The following SLC11A2 variants were observed in gnomAD, a reference collection of about 807,000 sequenced individuals.
SLC11A2 encodes solute carrier family 11 member 2, also known as natural resistance-associated macrophage protein 2.
In SLC11A2, 38 loss-of-function variants were observed where a neutral mutation model predicts 68.0. The ratio of observed to expected loss-of-function variants is 0.56; its 90% CI spans 0.43 to 0.73. The LOEUF is 0.73. Ranked by LOEUF, SLC11A2 falls within the 30% of genes least tolerant of loss-of-function variation. The pLI is 0.00. For missense variants in SLC11A2, 517 were observed against 690.5 expected, an observed-to-expected ratio of 0.75 and a Z score of 2.82; for synonymous variants, 242 against 250.6, an observed-to-expected ratio of 0.97 and a Z score of 0.32.
Position 51,008,581 on chromosome 12 carries a change from G to A in SLC11A2, c.78C>T (p.Asn26=), listed in dbSNP as rs1308791966. Residue 26 remains asparagine (N), a synonymous_variant, in exon 3 of 16, where the codon AAC becomes AAT. Transcript: ENST00000262052. ...AGGGATTACTATAGGCAGGGTTGAT[G>A]TTACCAAGACTGGCAGACTCCCCAT... ...GDHGESASLG[N]INPAYSNPSL... The A allele has an allele frequency of 6.2e-7, 1 of 1,612,742 alleles. No individual in the cohort carries two copies. Among genetic ancestry groups the A allele is most frequent in the South Asian group, 1.1e-5 (1 of 91,054 alleles).
intron 3 of SLC11A2, among the ~76,000 whole-genome samples, chr12:51,007,194 C>T (rs936616326): frequency 9.9e-5 from 15 of 152,254 alleles, no homozygotes; most frequent in East Asian, 1.9e-4. Flanking sequence ...CTTCTGACCC[C>T]TAAAACGTAT....
At chr12:51,010,458 C>A (rs1328384556) in intron 2 of SLC11A2, among the ~76,000 whole-genome samples, 2 of 147,352 alleles carry the variant, frequency 1.4e-5, no homozygotes, top group Non-Finnish European at 3.0e-5. Context: ...GCGGAGGTTG[C>A]AGTGAGCCGA....
chr12:51,025,908 G>A (rs573981014), intron 1 of SLC11A2: 2 of 987,882 alleles, frequency 2.0e-6, no homozygotes, highest in Non-Finnish European at 2.4e-6. Flanking sequence ...CGGCGCCGAC[G>A]AAGAGGCCAC....
the SLC11A2 span, among the ~76,000 whole-genome samples, chr12:50,964,599 C>T: frequency 2.0e-5 from 3 of 152,196 alleles, no homozygotes. Context: ...AGAGTTCACA[C>T]AGCCCTGATA....
chr12:50,995,563 C>A, intron 10 of SLC11A2, 66 bp downstream of exon 10: 7 of 1,476,424 alleles, frequency 4.7e-6, no homozygotes, highest in Non-Finnish European at 5.7e-6. Context: ...ATTTTCCTTC[C>A]CCATCCCATT....
In SLC11A2 at chr12:50,986,133, T is replaced by C; in HGVS notation, c.*2192A>G. The C allele has an allele frequency of 7.8e-7, 1 of 1,286,478 alleles. No individual in the cohort carries two copies. Among genetic ancestry groups the C allele is most frequent in the Non-Finnish European group, 1.0e-6 (1 of 988,062 alleles). The allele number at this position is 1,286,478 out of a possible 1,614,324, so 79.7% of individuals were successfully genotyped here. A position where few individuals can be genotyped will look rare whatever the true frequency, so the allele number is the denominator to read the frequency against. On this transcript the variant is annotated 3_prime_UTR_variant, in exon 16 of 16. Coordinates refer to ENST00000262052, the MANE Select transcript of SLC11A2 (RefSeq NM_000617.3). Reference sequence around the variant, plus strand: ...AGCTCTTCCCTTTTCCCCTGTTAATTTCCAGTATAATGTAGCAGCACAATT... The same window carrying C: ...AGCTCTTCCCTTTTCCCCTGTTAATCTCCAGTATAATGTAGCAGCACAATT...
chr12:50,982,525 G>C (rs935899100), downstream of SLC11A2, among the ~76,000 whole-genome samples: 1 of 152,186 alleles, frequency 6.6e-6, no homozygotes, highest in African/African-American at 2.4e-5. Context: ...TAATCGGGAG[G>C]CTGAGGCAGG....
chr12:51,026,329 C>A lies in SLC11A2; in HGVS notation c.-58G>T. Reference sequence around the variant, plus strand: ...CCTCACCTTACCAGCTCCGCAACCACCTGACACGCCGCCCCCGCGCCCAGG... The same window carrying A: ...CCTCACCTTACCAGCTCCGCAACCAACTGACACGCCGCCCCCGCGCCCAGG... On this transcript the variant is annotated 5_prime_UTR_variant, in exon 1 of 16. Coordinates refer to ENST00000262052, the MANE Select transcript of SLC11A2 (RefSeq NM_000617.3). 7.8e-7 allele frequency: 1 copy of A among 1,274,406 alleles called. No homozygotes were observed. Among genetic ancestry groups the A allele is most frequent in the Non-Finnish European group, 1.0e-6 (1 of 978,110 alleles). 78.9% of individuals were successfully genotyped at this position (1,274,406 alleles called of 1,614,324 possible).
chr12:50,996,755 C>G (rs1158006780), intron 9 of SLC11A2, 62 bp downstream of exon 9: 1 of 1,521,472 alleles, frequency 6.6e-7, no homozygotes, highest in South Asian at 1.1e-5. Flanking sequence ...GTGTCCCTTG[C>G]AATTGAAGGA....
chr12:51,028,567 G>T, upstream of SLC11A2: 1 of 239,854 alleles, frequency 4.2e-6, no homozygotes, highest in African/African-American at 2.2e-5. Flanking sequence ...GTTGAAAGGG[G>T]TGGAGTAAGA....
At chr12:50,994,279 T>G (rs981368584) in intron 11 of SLC11A2, among the ~76,000 whole-genome samples, 1 of 152,138 alleles carries the variant, frequency 6.6e-6, no homozygotes, top group African/African-American at 2.4e-5. Flanking sequence ...ACTCCTGAGC[T>G]CAAGTGATCC....
intron 15 of SLC11A2, among the ~76,000 whole-genome samples, chr12:50,990,130 C>G (rs1253438251): frequency 4.0e-5 from 6 of 151,782 alleles, no homozygotes; most frequent in African/African-American, 1.5e-4. Context: ...TTTTACATAC[C>G]TTTTTCATGT....
the SLC11A2 span, among the ~76,000 whole-genome samples, chr12:50,970,953 A>T: frequency 6.6e-6 from 1 of 152,058 alleles, no homozygotes; most frequent in South Asian, 2.1e-4. Flanking sequence ...ATCTCCGCTC[A>T]CCGCAACCTC....
At chr12:50,961,175 T>C in the SLC11A2 span, 3 of 1,450,218 alleles carry the variant, frequency 2.1e-6, no homozygotes, top group East Asian at 4.6e-5. Flanking sequence ...TCATTCATAG[T>C]AGAAGATGAA....
the SLC11A2 span, among the ~76,000 whole-genome samples, chr12:50,968,243 G>A: frequency 1.3e-5 from 2 of 152,188 alleles, no homozygotes; most frequent in Admixed American, 1.3e-4. Context: ...ACTGGGGACT[G>A]AAGTCAGTAA....
At chr12:50,953,723 A>G in the SLC11A2 span, among the ~76,000 whole-genome samples, 1 of 152,220 alleles carries the variant, frequency 6.6e-6, no homozygotes. Flanking sequence ...GAGACTGAAT[A>G]ACAGCATTAT....
At chr12:50,982,774 C>G (rs566198135), downstream of SLC11A2, among the ~76,000 whole-genome samples, 51 of 151,844 alleles carry the variant, frequency 3.4e-4, no homozygotes, top group African/African-American at 1.2e-3. Context: ...CGAAACCCCT[C>G]GACTAAAAAT....
chr12:50,965,115 TTTTG>T, the SLC11A2 span, among the ~76,000 whole-genome samples: 3 of 152,084 alleles, frequency 2.0e-5, no homozygotes, highest in South Asian at 2.1e-4. Context: ...TTGTGGGTTT[TTTTG>T]TTTTTGTTTT....
chr12:50,954,066 C>CCTATAGAGTA, the SLC11A2 span: 3 of 1,611,940 alleles, frequency 1.9e-6, no homozygotes, highest in Non-Finnish European at 2.5e-6. Flanking sequence ...ATCAGGAAAT[C>CCTATAGAGTA]TAGAGACTCC....
Sources: gnomAD v4.1 joint callset for allele counts (sites outside exome capture counted in the v4.1 genomes callset) on GRCh38, gnomAD v4.1.1 for gene constraint, MANE v1.5 for transcripts, NCBI Gene and HGNC (gene_info 2026-07-23, HGNC 2026-07-21) for gene names.